The following GIPC3 variants were observed in gnomAD, a reference collection of about 807,000 sequenced individuals.
GIPC3 encodes PDZ domain-containing protein GIPC3.
GIPC3 carries 16 observed loss-of-function variants against 27.3 expected under a neutral mutation model. The ratio of observed to expected loss-of-function variants is 0.59; its 90% confidence interval spans 0.40 to 0.89. The LOEUF (loss-of-function observed/expected upper bound fraction) is 0.89. Among genes scored for constraint, GIPC3 ranks in the 40% least tolerant of loss-of-function variants. GIPC3 has a pLI of 0.00. For missense variants in GIPC3, 440 were observed against 442.1 expected, an observed-to-expected ratio of 1.00 and a Z score of 0.04; for synonymous variants, 194 against 184.6, an observed-to-expected ratio of 1.05 and a Z score of -0.41.
intron 3 of GIPC3, among the ~76,000 whole-genome samples, chr19:3,588,656 A>AAAAAAAAAAAAAAAAAAAC (rs1555704535): frequency 6.6e-6 from 1 of 150,934 alleles, no homozygotes; most frequent in African/African-American, 2.5e-5. Context: ...AAAAAAAAAA[A>AAAAAAAAAAAAAAAAAAAC]AAACCTGGCT....
rs1466460089 is a variant in GIPC3 at position 3,592,481 on chromosome 19, C to G, written c.*2291C>G. 4 of 1,231,860 alleles carry G rather than the reference C, an allele frequency of 3.2e-6. No individual in the cohort carries two copies. In the Admixed American group the frequency reaches 1.3e-4, roughly 39 times the overall value. The allele number at this position is 1,231,860 out of a possible 1,614,324, so 76.3% of individuals were successfully genotyped here. A position where few individuals can be genotyped will look rare whatever the true frequency, so the allele number is the denominator to read the frequency against. ...CTCAGACTAGTTCTGGAAACCAGCTCAGCTCCGGGACCCAGACCACTGCAA... is the reference window on the plus strand; with the variant it reads ...CTCAGACTAGTTCTGGAAACCAGCTGAGCTCCGGGACCCAGACCACTGCAA... On this transcript the variant is annotated 3_prime_UTR_variant, in exon 6 of 6. Coordinates refer to ENST00000644452, the MANE Select transcript of GIPC3 (RefSeq NM_133261.3).
Position 3,592,014 on chromosome 19 carries a change from G to T in GIPC3, c.*1824G>T. The T allele has an allele frequency of 8.1e-7, 1 of 1,232,002 alleles. No homozygotes were observed. Among genetic ancestry groups the T allele is most frequent in the South Asian group, 4.1e-5 (1 of 24,310 alleles). 76.3% of individuals were successfully genotyped at this position (1,232,002 alleles called of 1,614,324 possible). A position where few individuals can be genotyped will look rare whatever the true frequency, so the allele number is the denominator to read the frequency against. On this transcript the variant is annotated 3_prime_UTR_variant, in exon 6 of 6. Transcript: ENST00000644452. ...TCAGCTCAGTTCTGGAGCACAGGCTGGTTCTGAAATCCCAGCCAGCTCCAA... is the reference window on the plus strand; with the variant it reads ...TCAGCTCAGTTCTGGAGCACAGGCTTGTTCTGAAATCCCAGCCAGCTCCAA...
In GIPC3 at chr19:3,590,844, A is replaced by C. The variant is rs531272867; in HGVS notation, c.*654A>C. On this transcript the variant is annotated 3_prime_UTR_variant, in exon 6 of 6. Coordinates refer to ENST00000644452, the MANE Select transcript of GIPC3 (RefSeq NM_133261.3). Reference sequence around the variant, plus strand: ...TCAGATGGGCTCTGAGACCATGCCCAGCTCTAGAACTCAGATGGGCTCCGA... The same window carrying C: ...TCAGATGGGCTCTGAGACCATGCCCCGCTCTAGAACTCAGATGGGCTCCGA... 6.6e-5 allele frequency: 81 copies of C among 1,235,856 alleles called. 1 individual carries two copies. In the Middle Eastern group the frequency reaches 3.7e-3, roughly 57 times the overall value. The allele number at this position is 1,235,856 out of a possible 1,614,324, so 76.6% of individuals were successfully genotyped here.
intron 3 of GIPC3, among the ~76,000 whole-genome samples, chr19:3,588,725 A>T (rs2145272657): frequency 6.6e-6 from 1 of 151,476 alleles, no homozygotes; most frequent in South Asian, 2.1e-4. Flanking sequence ...CGGGTGCATC[A>T]CGAGGTCAGG....
In GIPC3 at chr19:3,590,188, T is replaced by C. The variant is rs1466835034; in HGVS notation, c.937T>C (p.Ter313GlnextTer98). The C allele has an allele frequency of 1.3e-6, 2 of 1,592,894 alleles. No homozygotes were observed. The highest frequency in any genetic ancestry group is 2.3e-5 in the South Asian group (2 of 87,976). ...CGGCGAGGCCAGAGAGGCCTGTGGC[T>C]AGTTTGCCCTGGGGGGGCCCAGCAC... ...AIGEAREACG* is the reference protein window; with the variant it reads ...AIGEAREACGQ The change falls in exon 6 of 6, where the codon TAG (stop) becomes CAG (glutamine). Residue 313 changes from the stop codon to glutamine (Q), a stop_lost. Coordinates refer to ENST00000644452, the MANE Select transcript of GIPC3 (RefSeq NM_133261.3).
At chr19:3,585,925 C>A in intron 1 of GIPC3, 103 bp downstream of exon 1, 18 of 1,458,120 alleles carry the variant, frequency 1.2e-5, no homozygotes, top group Non-Finnish European at 1.6e-5. Context: ...GGATCCCAGA[C>A]GTCGGGGTGG....
chr19:3,586,848 A>T lies in GIPC3; in HGVS notation c.446A>T (p.Glu149Val). The change falls in exon 3 of 6, where the codon GAG (glutamate) becomes GTG (valine). Residue 149 changes from glutamate to valine, a missense_variant. Glu to Val is a moderately radical substitution (Grantham distance 121). Coordinates refer to ENST00000644452, the MANE Select transcript of GIPC3 (RefSeq NM_133261.3). Reference sequence around the variant, plus strand: ...GAAGGCAGTATCATCAACCGGATCGAGGCAGTGTGCGTGGGTGACAGCATC... The same window carrying T: ...GAAGGCAGTATCATCAACCGGATCGTGGCAGTGTGCGTGGGTGACAGCATC... Reference protein sequence around the residue: ...IKEGSIINRIEAVCVGDSIEA... With the variant: ...IKEGSIINRIVAVCVGDSIEA... 1 of 1,613,658 alleles carries T rather than the reference A, an allele frequency of 6.2e-7. No homozygotes were observed. Among genetic ancestry groups the T allele is most frequent in the Middle Eastern group, 1.6e-4 (1 of 6,062 alleles).
rs371622800 is a variant in GIPC3 at position 3,590,004 on chromosome 19, G to A, written c.788-35G>A. On this transcript the variant is annotated intron_variant, in intron 5 of 5. Transcript: ENST00000644452. ...CAGCGGGAAGTTGGGCGCGGGGAGT[G>A]CCCTCACTGACATCCCCTCTGGCAC... 58 of 1,613,024 alleles carry A rather than the reference G, an allele frequency of 3.6e-5. No homozygotes were observed. In the African/African-American group the frequency reaches 4.5e-4, roughly 13 times the overall value.
rs746316685 is a variant in GIPC3 at position 3,590,133 on chromosome 19, C to T, written c.882C>T (p.Asp294=). ...TCTTGGGCGAGTTCGCCTTCCCCGA[C>T]GAGTTTGTGGTGGAAGTGTGGGCCG... ...DSVLGEFAFP[D]EFVVEVWAAI... is the part of the protein sequence containing the mutation. Residue 294 remains aspartate (D), a synonymous_variant, in exon 6 of 6, where the codon GAC becomes GAT. Coordinates refer to ENST00000644452, the MANE Select transcript of GIPC3 (RefSeq NM_133261.3). 18 of 1,611,088 alleles carry T rather than the reference C, an allele frequency of 1.1e-5. No individual in the cohort carries two copies. Among genetic ancestry groups the T allele is most frequent in the South Asian group, 8.8e-5 (8 of 90,518 alleles).
rs187454707 is a variant in GIPC3, at chr19:3,591,054, A to G, written c.*864A>G. 130 of 1,230,278 alleles carry G rather than the reference A, an allele frequency of 1.1e-4. No individual in the cohort carries two copies. The African/African-American group carries it at 1.7e-3, about 16-fold the overall frequency. 76.2% of individuals were successfully genotyped at this position (1,230,278 alleles called of 1,614,324 possible). ...TGAAACCAAGCCCAGCATAGAGACCAAGCCGTGTTCTAGAATTCAGGCCAC... is the reference window on the plus strand; with the variant it reads ...TGAAACCAAGCCCAGCATAGAGACCGAGCCGTGTTCTAGAATTCAGGCCAC... On this transcript the variant is annotated 3_prime_UTR_variant, in exon 6 of 6. Transcript: ENST00000644452.
intron 3 of GIPC3, among the ~76,000 whole-genome samples, chr19:3,588,924 AC>A (rs1422759897): frequency 6.6e-6 from 1 of 150,572 alleles, no homozygotes; most frequent in Non-Finnish European, 1.5e-5. Context: ...AGCCTGGGTG[AC>A]AGAGCAAGAC....
intron 3 of GIPC3, among the ~76,000 whole-genome samples, chr19:3,587,702 T>C (rs112422767): frequency 9.9e-4 from 2 of 2,028 alleles, no homozygotes; most frequent in Non-Finnish European, 1.1e-3. Context: ...TTTCTTTTTT[T>C]TTTTTTGAGA....
rs2032524776 is a variant in GIPC3 at position 3,593,277 on chromosome 19, G to GC, written c.*3087_*3088insC. On this transcript the variant is annotated 3_prime_UTR_variant, in exon 6 of 6. Coordinates refer to ENST00000644452, the MANE Select transcript of GIPC3 (RefSeq NM_133261.3). Reference sequence around the variant, plus strand: ...GGAGCCAGGAGCCCGCCCTTACCGCGGGGGGCCGTAGCTTGGCTGTGACTT... The same window carrying GC: ...GGAGCCAGGAGCCCGCCCTTACCGCGCGGGGGCCGTAGCTTGGCTGTGACTT... The GC allele has an allele frequency of 8.1e-7, 1 of 1,232,246 alleles. No homozygotes were observed. 76.3% of individuals were successfully genotyped at this position (1,232,246 alleles called of 1,614,324 possible).
At position 3,592,032 on chromosome 19, in the gene GIPC3, A is replaced by C; in HGVS notation, c.*1842A>C. On this transcript the variant is annotated 3_prime_UTR_variant, in exon 6 of 6. Transcript: ENST00000644452. ...ACAGGCTGGTTCTGAAATCCCAGCCAGCTCCAAAACACAGACAGCAGCTGA... is the reference window on the plus strand; with the variant it reads ...ACAGGCTGGTTCTGAAATCCCAGCCCGCTCCAAAACACAGACAGCAGCTGA... The C allele has an allele frequency of 1.6e-6, 2 of 1,232,098 alleles. No homozygotes were observed. The highest frequency in any genetic ancestry group is 2.0e-6 in the Non-Finnish European group (2 of 988,034). 76.3% of individuals were successfully genotyped at this position (1,232,098 alleles called of 1,614,324 possible).
At position 3,591,659 on chromosome 19, in the gene GIPC3, C is replaced by T; in HGVS notation, c.*1469C>T. 1 of 1,234,224 alleles carries T rather than the reference C, an allele frequency of 8.1e-7. No individual in the cohort carries two copies. Among genetic ancestry groups the T allele is most frequent in the Non-Finnish European group, 1.0e-6 (1 of 989,696 alleles). 76.5% of individuals were successfully genotyped at this position (1,234,224 alleles called of 1,614,324 possible). On this transcript the variant is annotated 3_prime_UTR_variant, in exon 6 of 6. Transcript: ENST00000644452. ...TCCACACGGCTGCCCAGTCCAGATC[C>T]CAACCCCAGTTGCATCCAAGTGCCC...
rs112236623 is a variant in GIPC3 at position 3,587,270 on chromosome 19, T to TTTTGTTTG, written c.592+296_592+303dup. Among the ~76,000 whole-genome samples the TTTTGTTTG allele has an allele frequency of 0.058, 8,720 of 151,050 alleles. 530 individuals are homozygous for TTTTGTTTG. Among genetic ancestry groups the TTTTGTTTG allele is most frequent in the African/African-American group, 0.16 (6,661 of 40,850 alleles). On this transcript the variant is annotated intron_variant, in intron 3 of 5. Transcript: ENST00000644452. ...TTTGGAGCCAGGCTGGGAGACTTGT[T>TTTTGTTTG]TTTGTTTGTTTGTTTGTTTGTTTGT...
Position 3,586,581 on chromosome 19 carries a change from C to G in GIPC3, c.312C>G (p.Ala104=), listed in dbSNP as rs2032370461. The G allele has an allele frequency of 1.9e-6, 3 of 1,613,730 alleles. No homozygotes were observed. The highest frequency in any genetic ancestry group is 2.5e-6 in the Non-Finnish European group (3 of 1,179,986). ...GQIGLEDFIF[A]HVRGETKEVE... Reference sequence around the variant, plus strand: ...TAGGCCTGGAGGACTTCATCTTTGCCCACGTGCGAGGCGAGACCAAGGAGG... The same window carrying G: ...TAGGCCTGGAGGACTTCATCTTTGCGCACGTGCGAGGCGAGACCAAGGAGG... The change falls in exon 2 of 6, where the codon GCC becomes GCG. Residue 104 remains alanine, a synonymous_variant. Transcript: ENST00000644452.
intron 3 of GIPC3, among the ~76,000 whole-genome samples, chr19:3,587,786 G>A (rs1031481887): frequency 6.8e-6 from 1 of 146,336 alleles, no homozygotes; most frequent in Non-Finnish European, 1.5e-5. Flanking sequence ...CGCCTCCCGG[G>A]TTCACACCAT....
rs2032471917 is a variant in GIPC3, at chr19:3,590,661, C to T, written c.*471C>T. On this transcript the variant is annotated 3_prime_UTR_variant, in exon 6 of 6. Transcript: ENST00000644452. Reference sequence around the variant, plus strand: ...AACTCAGATGGGCTCTGAGACCGAGCCCAGCTCTAGAACTCAGATGGGCTC... The same window carrying T: ...AACTCAGATGGGCTCTGAGACCGAGTCCAGCTCTAGAACTCAGATGGGCTC... 9.5e-7 allele frequency: 1 copy of T among 1,051,574 alleles called. No homozygotes were observed. The highest frequency in any genetic ancestry group is 1.2e-6 in the Non-Finnish European group (1 of 816,656). 65.1% of individuals were successfully genotyped at this position (1,051,574 alleles called of 1,614,324 possible).
Sources: allele counts gnomAD v4.1 joint callset (sites outside exome capture counted in the v4.1 genomes callset), GRCh38; gene constraint gnomAD v4.1.1; transcripts MANE v1.5; gene names NCBI Gene and HGNC (gene_info 2026-07-23, HGNC 2026-07-21).